P4HA1: variants seen among roughly 807,000 people sequenced by gnomAD.
P4HA1 encodes the protein prolyl 4-hydroxylase subunit alpha 1, also known as prolyl 4-hydroxylase subunit alpha-1.
In P4HA1, 24 loss-of-function variants were observed where a neutral mutation model predicts 72.8. The ratio of observed to expected loss-of-function variants is 0.33; its 90% CI spans 0.24 to 0.46. The LOEUF (loss-of-function observed/expected upper bound fraction) is 0.46. Among genes scored for constraint, P4HA1 ranks in the 20% least tolerant of loss-of-function variants. The pLI, the probability that P4HA1 is intolerant of heterozygous loss-of-function variation, is 1.00. For synonymous variants in P4HA1, 201 were observed against 218.8 expected (o/e 0.92, Z 0.72); for missense variants, 446 against 640.6 (o/e 0.70, Z 3.28).
intron 5 of P4HA1, among the ~76,000 whole-genome samples, chr10:73,056,966 A>G (rs1841164588): frequency 6.6e-6 from 1 of 151,242 alleles, no homozygotes; most frequent in Non-Finnish European, 1.5e-5. Context: ...AGGCTGTGGC[A>G]GGAGAATGGT....
At chr10:73,087,275 T>A (rs889353678) in intron 1 of P4HA1, among the ~76,000 whole-genome samples, 7 of 150,200 alleles carry the variant, frequency 4.7e-5, no homozygotes, top group African/African-American at 1.2e-4. Flanking sequence ...TTTATTTTTT[T>A]TTTTTTTTTT....
intron 9 of P4HA1, among the ~76,000 whole-genome samples, chr10:73,036,457 C>T (rs1057319503): frequency 3.3e-5 from 5 of 151,960 alleles, no homozygotes; most frequent in Middle Eastern, 3.2e-3. Context: ...AGTGCAATGA[C>T]GCTATCTCGA....
intron 8 of P4HA1, 69 bp from the exon 9 acceptor site, chr10:73,045,120 C>G (rs1230183766): frequency 4.7e-6 from 6 of 1,277,262 alleles, no homozygotes; most frequent in East Asian, 2.3e-5. Flanking sequence ...CCCAACCAGT[C>G]AGAATTCCAG....
intron 1 of P4HA1, among the ~76,000 whole-genome samples, chr10:73,088,395 T>C (rs1397686452): frequency 6.6e-6 from 1 of 152,170 alleles, no homozygotes; most frequent in Non-Finnish European, 1.5e-5. Flanking sequence ...ACCATATAAA[T>C]ACCACACTTG....
At chr10:73,073,431 G>C (rs1841613569) in intron 3 of P4HA1, among the ~76,000 whole-genome samples, 1 of 151,868 alleles carries the variant, frequency 6.6e-6, no homozygotes, top group Admixed American at 6.6e-5. Flanking sequence ...ACATTGGCCA[G>C]GCTGGTCTTG....
At chr10:73,077,194 TG>T (rs781637145) in intron 1 of P4HA1, among the ~76,000 whole-genome samples, 7 of 152,268 alleles carry the variant, frequency 4.6e-5, no homozygotes, top group Non-Finnish European at 1.0e-4. Context: ...TAGAATTTTC[TG>T]TTTAAACATA....
chr10:73,045,020 G>A lies in P4HA1; in HGVS notation c.1109C>T (p.Thr370Ile). Reference sequence around the variant, plus strand: ...GTAATGTACCGTCTCCAAGTCTCCTGTTATTGGGTTTGAAATGGTGGCTCG... The same window carrying A: ...GTAATGTACCGTCTCCAAGTCTCCTATTATTGGGTTTGAAATGGTGGCTCG... Reference protein sequence around the residue: ...LRRATISNPITGDLETVHYRI... With the variant: ...LRRATISNPIIGDLETVHYRI... The change falls in exon 9 of 15, where the codon ACA (threonine) becomes ATA (isoleucine). Residue 370 changes from threonine to isoleucine, a missense_variant. Thr to Ile is a moderately conservative substitution (Grantham distance 89). Transcript: ENST00000394890. 1 of 1,613,598 alleles carries A rather than the reference G, an allele frequency of 6.2e-7. No homozygotes were observed. Among genetic ancestry groups the A allele is most frequent in the Non-Finnish European group, 8.5e-7 (1 of 1,179,652 alleles).
chr10:73,053,371 G>T lies in P4HA1; in HGVS notation c.683C>A (p.Thr228Lys). 1 of 1,614,028 alleles carries T rather than the reference G, an allele frequency of 6.2e-7. No individual in the cohort carries two copies. Among genetic ancestry groups the T allele is most frequent in the Non-Finnish European group, 8.5e-7 (1 of 1,179,934 alleles). The change falls in exon 6 of 15, where the codon ACA (threonine) becomes AAA (lysine). Residue 228 changes from threonine to lysine, a missense_variant. Physicochemically the swap from Thr to Lys is moderately conservative, Grantham distance 78. Coordinates refer to ENST00000394890, the MANE Select transcript of P4HA1 (RefSeq NM_001017962.3). ...QGDLDKALLL[T>K]KKLLELDPEH... ...CATACCTAGTTCAAGAAGCTTCTTT[G>T]TGAGCAAAAGTGCCTTATCCAGGTC...
At chr10:73,043,258 A>G (rs1044347406) in intron 9 of P4HA1, among the ~76,000 whole-genome samples, 1 of 152,206 alleles carries the variant, frequency 6.6e-6, no homozygotes, top group South Asian at 2.1e-4. Context: ...CTGTGGATAA[A>G]TATTCTACTT....
chr10:73,091,950 G>A (rs945562894), intron 1 of P4HA1, among the ~76,000 whole-genome samples: 3 of 152,154 alleles, frequency 2.0e-5, no homozygotes, highest in African/African-American at 4.8e-5. Context: ...CCTAAAAAAT[G>A]GATTATTGCT....
intron 5 of P4HA1, among the ~76,000 whole-genome samples, chr10:73,055,040 C>T (rs893801868): frequency 2.6e-5 from 4 of 152,020 alleles, no homozygotes; most frequent in African/African-American, 9.7e-5. Flanking sequence ...ACCTGGACAA[C>T]GTAATGAGAC....
chr10:73,023,516 C>A (rs1274900051), intron 10 of P4HA1, among the ~76,000 whole-genome samples: 1 of 152,146 alleles, frequency 6.6e-6, no homozygotes, highest in Non-Finnish European at 1.5e-5. Flanking sequence ...TGGAAAGGAA[C>A]AACTGGTACC....
At chr10:73,068,300 T>C (rs531292031) in intron 5 of P4HA1, among the ~76,000 whole-genome samples, 4 of 152,252 alleles carry the variant, frequency 2.6e-5, no homozygotes, top group African/African-American at 4.8e-5. Flanking sequence ...CAGGAGATAG[T>C]AGTGGTAATG....
intron 10 of P4HA1, among the ~76,000 whole-genome samples, chr10:73,021,998 T>C (rs887520787): frequency 2.0e-5 from 3 of 151,696 alleles, no homozygotes; most frequent in African/African-American, 7.3e-5. Context: ...AAGCTCAAAC[T>C]GGGCGGAGCC....
rs1407352669 is a variant in P4HA1 at position 73,037,552 on chromosome 10, TATATATATATATATATATA to T, written c.1149-7201_1149-7183del. On this transcript the variant is annotated intron_variant, in intron 9 of 14. Transcript: ENST00000394890. ...ATATATATATATATATATATATATA[TATATATATATATATATATA>T]TTTTTTTTTTTTTTTTTTTACAAAG... 2.7e-3 allele frequency among the ~76,000 whole-genome samples: 86 copies of T among 32,368 alleles called. 3 individuals carry two copies. Among genetic ancestry groups the T allele is most frequent in the Admixed American group, 0.012 (28 of 2,326 alleles). 21.2% of individuals were successfully genotyped at this position (32,368 alleles called of 152,430 possible).
chr10:73,071,188 T>C (rs1259844783), intron 4 of P4HA1: 3 of 136,760 alleles, frequency 2.2e-5, no homozygotes, highest in East Asian at 2.3e-4. Context: ...TGAGACCCTG[T>C]CTCCAAAAAA....
At chr10:73,021,255 C>T (rs771696272) in intron 10 of P4HA1, among the ~76,000 whole-genome samples, 2 of 152,134 alleles carry the variant, frequency 1.3e-5, no homozygotes, top group Non-Finnish European at 2.9e-5. Flanking sequence ...GAGAACAGTA[C>T]AGAGGTTCCC....
At chr10:73,036,695 G>A (rs1244201426) in intron 9 of P4HA1, among the ~76,000 whole-genome samples, 1 of 152,060 alleles carries the variant, frequency 6.6e-6, no homozygotes. Context: ...GTCACACCTG[G>A]CCCAAAATAC....
chr10:73,073,620 G>A (rs1841619323), intron 3 of P4HA1, 111 bp downstream of exon 3: 1 of 664,854 alleles, frequency 1.5e-6, no homozygotes, highest in Non-Finnish European at 2.7e-6. Flanking sequence ...CATTGCAACT[G>A]GCTTTGTAAG....
Sources: gnomAD v4.1 joint callset for allele counts (sites outside exome capture counted in the v4.1 genomes callset) on GRCh38, gnomAD v4.1.1 for gene constraint, MANE v1.5 for transcripts, NCBI Gene and HGNC (gene_info 2026-07-23, HGNC 2026-07-21) for gene names.